ZNF487: variants seen among roughly 807,000 people sequenced by gnomAD.
ZNF487 encodes the protein KRAB domain only 1.
In ZNF487, 4 loss-of-function variants were observed where a neutral mutation model predicts 3.0. The ratio of observed to expected loss-of-function variants is 1.35; its 90% confidence interval spans 0.66 to 3.08. The LOEUF (loss-of-function observed/expected upper bound fraction) is 3.08. ZNF487 is among the 30% of genes most tolerant of loss of function. ZNF487 has a pLI of 0.01. For synonymous variants in ZNF487, 55 were observed against 34.6 expected (o/e 1.59, Z -2.06); for missense variants, 146 against 98.7 (o/e 1.48, Z -2.03).
chr10:43,521,002 T>C, the ZNF487 span, among the ~76,000 whole-genome samples: 1 of 152,322 alleles, frequency 6.6e-6, no homozygotes, highest in East Asian at 1.9e-4. Context: ...GGTAGGTTTT[T>C]GACCATAGTA....
intron 3 of ZNF487, among the ~76,000 whole-genome samples, chr10:43,478,506 T>C (rs1841187238): frequency 6.6e-6 from 1 of 152,150 alleles, no homozygotes; most frequent in African/African-American, 2.4e-5. Flanking sequence ...TAAGCTGAGA[T>C]TGCGCCATTG....
intron 1 of ZNF487, among the ~76,000 whole-genome samples, chr10:43,457,571 AAAAAAG>A (rs1478287958): frequency 2.0e-5 from 3 of 150,936 alleles, no homozygotes; most frequent in South Asian, 4.2e-4. Flanking sequence ...AAAAAAAAAA[AAAAAAG>A]AAAAAGAAAA....
chr10:43,486,804 T>C (rs189101875), downstream of ZNF487, among the ~76,000 whole-genome samples: 2 of 152,290 alleles, frequency 1.3e-5, no homozygotes, highest in Admixed American at 6.5e-5. Flanking sequence ...TTTCAGCTTA[T>C]GACAGATCAA....
rs781673415 is a variant in ZNF487 at position 43,475,719 on chromosome 10, A to G, written c.-93-2A>G. On this transcript the variant is annotated splice_acceptor_variant, in intron 1 of 3. Transcript: ENST00000437590. LOFTEE classifies it low-confidence loss of function (5UTR_SPLICE). ...AGAATGAAAACAAATGTACTGTTCT[A>G]GGGATCAGTGTCCTTCAGTGATGTG... 1.3e-6 allele frequency: 1 copy of G among 780,568 alleles called. No homozygotes were observed. Among genetic ancestry groups the G allele is most frequent in the East Asian group, 2.4e-5 (1 of 41,232 alleles). The allele number at this position is 780,568 out of a possible 1,614,324, so 48.4% of individuals were successfully genotyped here.
chr10:43,458,660 C>T (rs190566191), intron 1 of ZNF487, among the ~76,000 whole-genome samples: 23 of 152,144 alleles, frequency 1.5e-4, no homozygotes, highest in African/African-American at 4.1e-4. Context: ...ATTGTTTTTC[C>T]GGTCTTCCTG....
intron 1 of ZNF487, among the ~76,000 whole-genome samples, chr10:43,468,988 C>CAAAAAAAAAAAAAAA (rs59076073): frequency 1.6e-5 from 1 of 60,926 alleles, no homozygotes; most frequent in Non-Finnish European, 2.7e-5. Context: ...GACTCTATCT[C>CAAAAAAAAAAAAAAA]AAAAAAAAAA....
intron 1 of ZNF487, among the ~76,000 whole-genome samples, chr10:43,444,079 T>A (rs909833519): frequency 1.3e-5 from 2 of 151,676 alleles, no homozygotes; most frequent in African/African-American, 2.4e-5. Context: ...GGTCTCCATC[T>A]CCTGACCTCG....
downstream of ZNF487, among the ~76,000 whole-genome samples, chr10:43,486,520 C>T (rs1450161717): frequency 1.3e-5 from 2 of 150,952 alleles, no homozygotes; most frequent in African/African-American, 4.9e-5. Flanking sequence ...GAGTGAAACT[C>T]CTTCTCAAAA....
intron 1 of ZNF487, among the ~76,000 whole-genome samples, chr10:43,462,301 T>TAGAA (rs1840460012): frequency 6.6e-6 from 1 of 152,174 alleles, no homozygotes; most frequent in Non-Finnish European, 1.5e-5. Context: ...CGTGGCTTTC[T>TAGAA]AGCCACGTAA....
At chr10:43,502,685 G>A in the ZNF487 span, among the ~76,000 whole-genome samples, 22 of 152,218 alleles carry the variant, frequency 1.4e-4, no homozygotes, top group Admixed American at 5.2e-4. Flanking sequence ...ACTGGTTTAT[G>A]TATTTACTAT....
At chr10:43,438,487 C>G (rs1402842537) in intron 1 of ZNF487, among the ~76,000 whole-genome samples, 1 of 152,024 alleles carries the variant, frequency 6.6e-6, no homozygotes, top group Admixed American at 6.6e-5. Context: ...CACCCAGCCC[C>G]CATATATTAA....
chr10:43,510,790 C>T, the ZNF487 span, among the ~76,000 whole-genome samples: 3 of 152,336 alleles, frequency 2.0e-5, no homozygotes, highest in South Asian at 6.2e-4. Flanking sequence ...TCATGATCCG[C>T]CCGCCTTGGC....
intron 1 of ZNF487, among the ~76,000 whole-genome samples, chr10:43,449,405 A>T (rs2132055011): frequency 6.6e-6 from 1 of 152,280 alleles, no homozygotes; most frequent in South Asian, 2.1e-4. Context: ...AATGGACTGG[A>T]TGTTGAAGCA....
chr10:43,478,409 C>T (rs1358001206), intron 3 of ZNF487, among the ~76,000 whole-genome samples: 2 of 152,114 alleles, frequency 1.3e-5, no homozygotes, highest in African/African-American at 2.4e-5. Context: ...ACAAAATTAG[C>T]CGGGCGTGGT....
chr10:43,511,659 G>A, the ZNF487 span, among the ~76,000 whole-genome samples: 6 of 152,260 alleles, frequency 3.9e-5, no homozygotes, highest in East Asian at 9.6e-4. Flanking sequence ...GTGAGTGGAA[G>A]TCCATGTTGC....
chr10:43,475,605 TG>T (rs1841067715), intron 1 of ZNF487, 115 bp from the exon 2 acceptor site: 1 of 691,096 alleles, frequency 1.4e-6, no homozygotes, highest in African/African-American at 1.8e-5. Context: ...AGGCATCCTA[TG>T]TAGCATTTTC....
intron 1 of ZNF487, among the ~76,000 whole-genome samples, chr10:43,454,909 G>C (rs1382924902): frequency 8.1e-6 from 1 of 123,490 alleles, no homozygotes; most frequent in African/African-American, 3.1e-5. Flanking sequence ...CTACACTCCA[G>C]CCTGGGCAAC....
chr10:43,510,810 T>C, the ZNF487 span, among the ~76,000 whole-genome samples: 10 of 152,148 alleles, frequency 6.6e-5, no homozygotes, highest in South Asian at 2.1e-4. Context: ...CCTCCCAAAG[T>C]GCGGGGATTA....
chr10:43,468,988 C>CAAAAAAA (rs59076073), intron 1 of ZNF487, among the ~76,000 whole-genome samples: 10 of 60,926 alleles, frequency 1.6e-4, no homozygotes, highest in Non-Finnish European at 2.4e-4. Flanking sequence ...GACTCTATCT[C>CAAAAAAA]AAAAAAAAAA....
Sources: allele counts gnomAD v4.1 joint callset (sites outside exome capture counted in the v4.1 genomes callset), GRCh38; gene constraint gnomAD v4.1.1; transcripts MANE v1.5; gene names NCBI Gene and HGNC (gene_info 2026-07-23, HGNC 2026-07-21).